FLRT2: variants seen among roughly 807,000 people sequenced by gnomAD.
FLRT2 encodes fibronectin leucine rich transmembrane protein 2.
In FLRT2, 15 loss-of-function variants were observed where a neutral mutation model predicts 40.0. The ratio of observed to expected loss-of-function variants is 0.38; its 90% CI spans 0.25 to 0.58. The LOEUF (loss-of-function observed/expected upper bound fraction) is 0.58, where lower values mean the gene tolerates loss of function less well. Ranked by LOEUF, FLRT2 falls within the 20% of genes least tolerant of loss-of-function variation. The pLI, the probability that FLRT2 is intolerant of heterozygous loss-of-function variation, is 0.71. For missense variants in FLRT2, 726 were observed against 840.0 expected, an observed-to-expected ratio of 0.86 and a Z score of 1.68; for synonymous variants, 380 against 336.8, an observed-to-expected ratio of 1.13 and a Z score of -1.41.
At chr14:85,586,864 G>T (rs117446748) in intron 1 of FLRT2, among the ~76,000 whole-genome samples, 1 of 152,146 alleles carries the variant, frequency 6.6e-6, no homozygotes, top group African/African-American at 2.4e-5. Flanking sequence ...GTACAGTGGG[G>T]TCATGCTATT....
chr14:85,535,366 A>G (rs1464293551), intron 1 of FLRT2, among the ~76,000 whole-genome samples: 6 of 144,184 alleles, frequency 4.2e-5, no homozygotes, highest in African/African-American at 1.6e-4. Flanking sequence ...AAAAAAAAAA[A>G]CAACAACATT....
intron 1 of FLRT2, among the ~76,000 whole-genome samples, chr14:85,575,653 T>C (rs1309041107): frequency 6.6e-6 from 1 of 152,240 alleles, no homozygotes; most frequent in African/African-American, 2.4e-5. Flanking sequence ...CACTTTTTTT[T>C]CCATAGGGCA....
At chr14:85,599,606 G>T (rs1272826712) in intron 1 of FLRT2, among the ~76,000 whole-genome samples, 1 of 152,022 alleles carries the variant, frequency 6.6e-6, no homozygotes, top group Admixed American at 6.6e-5. Flanking sequence ...GTCAGACAGC[G>T]CCATGTACAA....
At chr14:85,533,301 G>C (rs913606545) in intron 1 of FLRT2, among the ~76,000 whole-genome samples, 3 of 152,030 alleles carry the variant, frequency 2.0e-5, no homozygotes, top group African/African-American at 7.2e-5. Context: ...GAGGGGTAGG[G>C]GTGGGGGCCG....
At chr14:85,588,402 A>C (rs181514506) in intron 1 of FLRT2, among the ~76,000 whole-genome samples, 1 of 151,974 alleles carries the variant, frequency 6.6e-6, no homozygotes, top group African/African-American at 2.4e-5. Context: ...TTACTCAAAT[A>C]AGACTTGGCC....
rs148332320 is a variant in FLRT2, at chr14:85,623,744, T to C, written c.*247T>C. On this transcript the variant is annotated 3_prime_UTR_variant, in exon 2 of 2. Transcript: ENST00000330753. ...TTTTTAAATCTTAAAAAAAAAAAAG[T>C]TGCTGAAGTACTGTACAGGGTTGTA... 2 of 362,712 alleles carry C rather than the reference T, an allele frequency of 5.5e-6. No homozygotes were observed. The highest frequency in any genetic ancestry group is 1.0e-5 in the Non-Finnish European group (2 of 197,330). The allele number at this position is 362,712 out of a possible 1,614,324, so 22.5% of individuals were successfully genotyped here.
In FLRT2 at chr14:85,603,419, A is replaced by G. The variant is rs1268641379; in HGVS notation, c.-376-17720A>G. Among the ~76,000 whole-genome samples the G allele has an allele frequency of 3.9e-5, 6 of 152,360 alleles. No homozygotes were observed. In the East Asian group the frequency reaches 9.6e-4, roughly 24 times the overall value. On this transcript the variant is annotated intron_variant, in intron 1 of 1. Transcript: ENST00000330753. The stretch of plus-strand genomic sequence containing the variant: ...AATAACTGATAGCTTCAAAACCAGC[A>G]TATAAAGAATAGCTGTGTCTGACTG...
intron 1 of FLRT2, chr14:85,563,072 T>C (rs2053201457): frequency 1.3e-5 from 2 of 151,556 alleles, no homozygotes; most frequent in African/African-American, 2.4e-5. Context: ...TTTTTACTTA[T>C]GTAAAGTTAG....
chr14:85,636,098 T>G lies in FLRT2; in HGVS notation c.*12601T>G, dbSNP rs913074595. 1 of 152,124 alleles carries G rather than the reference T, an allele frequency of 6.6e-6. No individual in the cohort carries two copies. Among genetic ancestry groups the G allele is most frequent in the Non-Finnish European group, 1.5e-5 (1 of 67,990 alleles). 9.4% of individuals were successfully genotyped at this position (152,124 alleles called of 1,614,324 possible). ...TCTTTCATAAGCTGTTATTTATGCT[T>G]CTCATTAATTAGTTCTTTGTTATGA... On this transcript the variant is annotated 3_prime_UTR_variant, in exon 2 of 2. Transcript: ENST00000330753.
intron 1 of FLRT2, among the ~76,000 whole-genome samples, chr14:85,540,978 G>A (rs995219344): frequency 6.6e-6 from 1 of 152,118 alleles, no homozygotes; most frequent in African/African-American, 2.4e-5. Context: ...TCTCTGAAAT[G>A]CACCAACAAA....
intron 1 of FLRT2, among the ~76,000 whole-genome samples, chr14:85,585,438 C>G (rs984858397): frequency 2.0e-5 from 3 of 152,066 alleles, no homozygotes; most frequent in African/African-American, 7.2e-5. Flanking sequence ...CTGATAATAC[C>G]AAAATTATCT....
rs575267254 is a variant in FLRT2, at chr14:85,557,063, G to A, written c.-377+26529G>A. ...CCACAAGAACAGTATGGGGGAAACT[G>A]CCCCCATGATTCAAATTATCTTCCA... On this transcript the variant is annotated intron_variant, in intron 1 of 1. Transcript: ENST00000330753. Among the ~76,000 whole-genome samples the A allele has an allele frequency of 3.3e-5, 5 of 152,184 alleles. No homozygotes were observed. The East Asian group carries it at 9.7e-4, about 29-fold the overall frequency.
rs146805024 is a variant in FLRT2 at position 85,559,966 on chromosome 14, C to T, written c.-377+29432C>T. Among the ~76,000 whole-genome samples the T allele has an allele frequency of 1.3e-3, 203 of 152,282 alleles. 3 individuals are homozygous for T. Among genetic ancestry groups the T allele is most frequent in the African/African-American group, 4.7e-3 (196 of 41,546 alleles). On this transcript the variant is annotated intron_variant, in intron 1 of 1. Transcript: ENST00000330753. ...GATTTTGAGCAAAAATGCAGACTTCCCAGAGGCTTTGCCGGGTCCTCCATC... is the reference window on the plus strand; with the variant it reads ...GATTTTGAGCAAAAATGCAGACTTCTCAGAGGCTTTGCCGGGTCCTCCATC...
rs1417515379 is a variant in FLRT2, at chr14:85,620,853, T to G, written c.-376-286T>G. Reference sequence around the variant, plus strand: ...TTAAGTGTTTGGATATGCAAATAGATAAAGAATAGATAAAAGAGAAGGTAC... The same window carrying G: ...TTAAGTGTTTGGATATGCAAATAGAGAAAGAATAGATAAAAGAGAAGGTAC... On this transcript the variant is annotated intron_variant, in intron 1 of 1. Coordinates refer to ENST00000330753, the MANE Select transcript of FLRT2 (RefSeq NM_013231.6). 3.3e-5 allele frequency among the ~76,000 whole-genome samples: 5 copies of G among 152,300 alleles called. 1 individual carries two copies. The South Asian group carries it at 1.0e-3, about 32-fold the overall frequency.
At position 85,638,251 on chromosome 14, in the gene FLRT2, CT is replaced by C. The variant is rs1162475909; in HGVS notation, c.*14755del. The stretch of plus-strand genomic sequence containing the variant: ...TGGCATTCTTGGAAGTGCTCTGGTT[CT>C]ATTGGCAGAGATCCTTGCTGTTAGC... On this transcript the variant is annotated 3_prime_UTR_variant, in exon 2 of 2. Transcript: ENST00000330753. The C allele has an allele frequency of 6.6e-6, 1 of 152,210 alleles. No homozygotes were observed. Among genetic ancestry groups the C allele is most frequent in the Non-Finnish European group, 1.5e-5 (1 of 68,080 alleles). 9.4% of individuals were successfully genotyped at this position (152,210 alleles called of 1,614,324 possible). A position where few individuals can be genotyped will look rare whatever the true frequency, so the allele number is the denominator to read the frequency against.
chr14:85,540,075 A>G (rs747585825), intron 1 of FLRT2, among the ~76,000 whole-genome samples: 12 of 152,156 alleles, frequency 7.9e-5, no homozygotes, highest in Non-Finnish European at 1.6e-4. Flanking sequence ...TTTTTTTGGA[A>G]AAATAAATCA....
intron 1 of FLRT2, among the ~76,000 whole-genome samples, chr14:85,564,624 AT>A (rs1212133618): frequency 6.6e-6 from 1 of 152,208 alleles, no homozygotes; most frequent in Non-Finnish European, 1.5e-5. Flanking sequence ...AAAAGGCAGT[AT>A]TTGAAAGTAA....
chr14:85,631,379 ATT>A lies in FLRT2; in HGVS notation c.*7887_*7888del, dbSNP rs930139316. On this transcript the variant is annotated 3_prime_UTR_variant, in exon 2 of 2. Coordinates refer to ENST00000330753, the MANE Select transcript of FLRT2 (RefSeq NM_013231.6). The stretch of plus-strand genomic sequence containing the variant: ...TTATTTTTAGCACCTATATATTGTA[ATT>A]TTTTGTGAGTCTGCTTCATGCCTAT... 1 of 151,942 alleles carries A rather than the reference ATT, an allele frequency of 6.6e-6. No homozygotes were observed. Among genetic ancestry groups the A allele is most frequent in the African/African-American group, 2.4e-5 (1 of 41,350 alleles). 9.4% of individuals were successfully genotyped at this position (151,942 alleles called of 1,614,324 possible). A position where few individuals can be genotyped will look rare whatever the true frequency, so the allele number is the denominator to read the frequency against.
chr14:85,584,708 G>A (rs1167133561), intron 1 of FLRT2, among the ~76,000 whole-genome samples: 1 of 152,158 alleles, frequency 6.6e-6, no homozygotes, highest in Non-Finnish European at 1.5e-5. Context: ...CCCTGACACA[G>A]GGTTCTAAGT....
Sources: allele counts gnomAD v4.1 joint callset (sites outside exome capture counted in the v4.1 genomes callset), GRCh38; gene constraint gnomAD v4.1.1; transcripts MANE v1.5; gene names NCBI Gene and HGNC (gene_info 2026-07-23, HGNC 2026-07-21).